Variants in OAT observed in about 807,000 individuals in gnomAD.
The protein encoded by OAT is ornithine aminotransferase, mitochondrial.
A neutral mutation model predicts 48.4 loss-of-function variants in OAT; 35 were observed. The observed-to-expected ratio is 0.72, with a 90% CI of 0.55 to 0.96. OAT has a LOEUF of 0.96. Among genes scored for constraint, OAT ranks in the 40% least tolerant of loss-of-function variants. The pLI is 0.00. For missense variants in OAT, 438 were observed against 537.9 expected, an observed-to-expected ratio of 0.81 and a Z score of 1.84; for synonymous variants, 182 against 198.4, an observed-to-expected ratio of 0.92 and a Z score of 0.70.
chr10:124,411,495 C>G (rs1951750118), intron 2 of OAT, among the ~76,000 whole-genome samples: 1 of 152,094 alleles, frequency 6.6e-6, no homozygotes, highest in Admixed American at 6.6e-5. Context: ...CTCCATAGCA[C>G]CTAACACAGC....
At chr10:124,400,682 G>A (rs1017942498) in intron 9 of OAT, among the ~76,000 whole-genome samples, 158 bp downstream of exon 9, 2 of 152,130 alleles carry the variant, frequency 1.3e-5, no homozygotes, top group African/African-American at 4.8e-5. Context: ...AACCCAGGAG[G>A]CAGAGTGCAG....
rs1191975842 is a variant in OAT at position 124,398,122 on chromosome 10, C to T, written c.1160-20G>A. ...CCCAATCTAAAGAAAAATAGTAAAA[C>T]GTACATGCTCAAAGATAAACGTTTA... On this transcript the variant is annotated intron_variant, in intron 9 of 9. Transcript: ENST00000368845. The T allele has an allele frequency of 5.6e-6, 9 of 1,613,516 alleles. No homozygotes were observed. Among genetic ancestry groups the T allele is most frequent in the Middle Eastern group, 1.6e-4 (1 of 6,084 alleles).
intron 9 of OAT, among the ~76,000 whole-genome samples, chr10:124,399,574 T>C (rs1289664493): frequency 6.6e-6 from 1 of 152,026 alleles, no homozygotes; most frequent in African/African-American, 2.4e-5. Context: ...CTCGATCTCC[T>C]AACCTCGTGA....
At chr10:124,399,274 A>C (rs1206644871) in intron 9 of OAT, among the ~76,000 whole-genome samples, 4 of 151,682 alleles carry the variant, frequency 2.6e-5, no homozygotes, top group African/African-American at 7.3e-5. Flanking sequence ...AGATCCGTCA[A>C]ATCAGAATCC....
chr10:124,412,257 T>A (rs1369656454), intron 1 of OAT, 57 bp from the exon 2 acceptor site: 13 of 1,368,248 alleles, frequency 9.5e-6, no homozygotes, highest in Admixed American at 1.7e-5. Context: ...ATGCCTATAA[T>A]CTCAGCACTT....
In OAT at chr10:124,406,215, G is replaced by A. The variant is rs1458960303; in HGVS notation, c.521-652C>T. 5.4e-6 allele frequency: 4 copies of A among 734,560 alleles called. No homozygotes were observed. In the Admixed American group the frequency reaches 1.9e-4, roughly 35 times the overall value. The allele number at this position is 734,560 out of a possible 1,614,324, so 45.5% of individuals were successfully genotyped here. A position where few individuals can be genotyped will look rare whatever the true frequency, so the allele number is the denominator to read the frequency against. On this transcript the variant is annotated intron_variant, in intron 4 of 9. Coordinates refer to ENST00000368845, the MANE Select transcript of OAT (RefSeq NM_000274.4). ...TTTTAGATGTTGGGGAATAGACCAG[G>A]CACAGTGGCTCACTTATGTAATCCC...
intron 9 of OAT, among the ~76,000 whole-genome samples, chr10:124,399,958 C>T (rs1050913083): frequency 2.0e-5 from 3 of 152,184 alleles, no homozygotes; most frequent in African/African-American, 7.2e-5. Context: ...TCTCTAAATA[C>T]TGCATGACTA....
At chr10:124,408,309 G>GTATATA (rs1379760701) in intron 4 of OAT, among the ~76,000 whole-genome samples, 4 of 59,278 alleles carry the variant, frequency 6.7e-5, no homozygotes, top group South Asian at 6.5e-4. Context: ...GTGTGTGTGT[G>GTATATA]TGTGTGTGTA....
At chr10:124,416,104 A>G (rs555075972) in intron 1 of OAT, among the ~76,000 whole-genome samples, 4 of 152,306 alleles carry the variant, frequency 2.6e-5, no homozygotes, top group Admixed American at 1.3e-4. Flanking sequence ...AGAATTTACT[A>G]TTTAAGTCCC....
intron 9 of OAT, among the ~76,000 whole-genome samples, chr10:124,399,575 A>G (rs1329030377): frequency 2.0e-5 from 3 of 151,612 alleles, no homozygotes; most frequent in Admixed American, 2.0e-4. Flanking sequence ...TCGATCTCCT[A>G]ACCTCGTGAT....
chr10:124,408,336 TATATA>T (rs1564736082), intron 4 of OAT, among the ~76,000 whole-genome samples: 13 of 90,220 alleles, frequency 1.4e-4, no homozygotes, highest in African/African-American at 4.7e-4. Context: ...TATATATATA[TATATA>T]TATTTTTTTT....
At position 124,397,870 on chromosome 10, in the gene OAT, A is replaced by G; in HGVS notation, c.*72T>C. 1 of 1,585,380 alleles carries G rather than the reference A, an allele frequency of 6.3e-7. No homozygotes were observed. The highest frequency in any genetic ancestry group is 8.7e-7 in the Non-Finnish European group (1 of 1,155,436). On this transcript the variant is annotated 3_prime_UTR_variant, in exon 10 of 10. Coordinates refer to ENST00000368845, the MANE Select transcript of OAT (RefSeq NM_000274.4). ...CATGGGAGTGGAATGTGCCCACATT[A>G]GGAATAAAGCTTTTACAGGACCACC...
At chr10:124,413,838 T>C (rs557917437) in intron 1 of OAT, among the ~76,000 whole-genome samples, 3 of 152,176 alleles carry the variant, frequency 2.0e-5, no homozygotes, top group Admixed American at 2.0e-4. Context: ...CCCCATCACA[T>C]AAGTCAGAGC....
At position 124,397,986 on chromosome 10, in the gene OAT, G is replaced by A. The variant is rs121965058; in HGVS notation, c.1276C>T (p.Arg426Ter). Residue 426 changes from arginine to a stop codon, truncating the protein, a stop_gained, in exon 10 of 10, where the codon CGA becomes TGA. Transcript: ENST00000368845. LOFTEE classifies it high-confidence loss of function. ...PPLVIKEDEL[R>*]ESIEIINKTI... ...TTGTTAATAATTTCAATGGACTCTC[G>A]AAGCTCATCCTCCTTGATCACCAGC... is the stretch of plus-strand genomic sequence containing the variant. 5.6e-6 allele frequency: 9 copies of A among 1,613,888 alleles called. No homozygotes were observed. In the East Asian group the frequency reaches 6.7e-5, roughly 12 times the overall value.
intron 4 of OAT, chr10:124,406,209 G>T: frequency 1.2e-6 from 1 of 804,148 alleles, no homozygotes; most frequent in Non-Finnish European, 1.5e-6. Context: ...TTGGGGAATA[G>T]ACCAGGCACA....
chr10:124,408,626 C>G lies in OAT; in HGVS notation c.436G>C (p.Gly146Arg). ...CGAGCTAGTTTACAGGCAGTCTCTCCAGCCTCCACTCCTATCAGGAGAGAA... is the reference window on the plus strand; with the variant it reads ...CGAGCTAGTTTACAGGCAGTCTCTCGAGCCTCCACTCCTATCAGGAGAGAA... ...VLPMNTGVEA[G>R]ETACKLARKW... The change falls in exon 4 of 10, where the codon GGA (glycine) becomes CGA (arginine). Residue 146 changes from glycine (G) to arginine (R), a missense_variant. By Grantham distance (125) the Gly-to-Arg change is moderately radical. Transcript: ENST00000368845. 6.2e-7 allele frequency: 1 copy of G among 1,612,314 alleles called. No individual in the cohort carries two copies. The highest frequency in any genetic ancestry group is 8.5e-7 in the Non-Finnish European group (1 of 1,179,018).
At chr10:124,404,068 A>G in intron 5 of OAT, 148 bp from the exon 6 acceptor site, 1 of 892,898 alleles carries the variant, frequency 1.1e-6, no homozygotes, top group Non-Finnish European at 1.8e-6. Context: ...ACTGCCATTC[A>G]ATTATCAGAA....
chr10:124,418,109 T>C (rs1417497800), intron 1 of OAT: 1 of 152,156 alleles, frequency 6.6e-6, no homozygotes. Flanking sequence ...ACGGGAGGTT[T>C]TCATGCTGAA....
chr10:124,398,295 G>A (rs1951294939), intron 9 of OAT, among the ~76,000 whole-genome samples, 193 bp from the exon 10 acceptor site: 1 of 152,024 alleles, frequency 6.6e-6, no homozygotes, highest in Non-Finnish European at 1.5e-5. Context: ...TGGATCACGA[G>A]GTCAAGAGAT....
Sources: gnomAD v4.1 joint callset for allele counts (sites outside exome capture counted in the v4.1 genomes callset) on GRCh38, gnomAD v4.1.1 for gene constraint, MANE v1.5 for transcripts, NCBI Gene and HGNC (gene_info 2026-07-23, HGNC 2026-07-21) for gene names.